CHCHD6: variants seen among roughly 807,000 people sequenced by gnomAD.
CHCHD6 encodes the protein coiled-coil-helix-coiled-coil-helix domain containing 6, also known as MICOS complex subunit MIC25.
Under a neutral mutation model 32.3 loss-of-function variants are expected in CHCHD6, and 28 were observed. The ratio of observed to expected loss-of-function variants is 0.87; its 90% CI spans 0.64 to 1.19. The LOEUF (loss-of-function observed/expected upper bound fraction) is 1.19. Among genes scored for constraint, CHCHD6 ranks in the 50% most tolerant of loss-of-function variants. The pLI is 0.00. For missense variants in CHCHD6, 333 were observed against 307.0 expected (o/e 1.08, Z -0.63); for synonymous variants, 122 against 117.5 (o/e 1.04, Z -0.25).
chr3:126,949,509 C>T (rs1576641268), intron 6 of CHCHD6: 1 of 189,044 alleles, frequency 5.3e-6, no homozygotes. Context: ...AAGGCTGCTG[C>T]GTGGACTGCC....
At chr3:126,908,611 C>G (rs1307576098) in intron 5 of CHCHD6, among the ~76,000 whole-genome samples, 2 of 152,222 alleles carry the variant, frequency 1.3e-5, no homozygotes, top group Non-Finnish European at 2.9e-5. Flanking sequence ...GTGAACAAAA[C>G]AAGCTAAAGT....
chr3:126,885,084 C>T (rs1190727952), intron 5 of CHCHD6, among the ~76,000 whole-genome samples: 2 of 152,132 alleles, frequency 1.3e-5, no homozygotes, highest in Non-Finnish European at 1.5e-5. Flanking sequence ...GTGTAGAAAG[C>T]CAGTTCTGAG....
chr3:126,749,200 G>T (rs542917135), intron 4 of CHCHD6, among the ~76,000 whole-genome samples: 1 of 152,158 alleles, frequency 6.6e-6, no homozygotes, highest in Non-Finnish European at 1.5e-5. Flanking sequence ...TTGAGAAGCA[G>T]CAGGGAGCAT....
Position 126,775,477 on chromosome 3 carries a change from G to C in CHCHD6, c.411+42255G>C, listed in dbSNP as rs150737390. Among the ~76,000 whole-genome samples the C allele has an allele frequency of 3.3e-5, 5 of 152,310 alleles. No homozygotes were observed. In the East Asian group the frequency reaches 9.6e-4, roughly 29 times the overall value. On this transcript the variant is annotated intron_variant, in intron 4 of 7. Transcript: ENST00000290913. ...GCTGTATCAGTTAAGGCCCAGCCAG[G>C]AGAAACTACAGCAATTATTGGAGCA...
intron 4 of CHCHD6, among the ~76,000 whole-genome samples, chr3:126,836,453 G>A (rs1027290414): frequency 3.8e-4 from 58 of 152,228 alleles, no homozygotes; most frequent in Admixed American, 1.8e-3. Context: ...TCTCTGGACC[G>A]CCACTCTGTT....
intron 4 of CHCHD6, among the ~76,000 whole-genome samples, chr3:126,748,543 C>T (rs757416859): frequency 8.8e-5 from 13 of 148,462 alleles, no homozygotes; most frequent in Non-Finnish European, 1.5e-4. Context: ...GGCGGTGAGC[C>T]GAGATTGTGC....
chr3:126,761,607 A>G (rs1427212349), intron 4 of CHCHD6, among the ~76,000 whole-genome samples: 1 of 151,930 alleles, frequency 6.6e-6, no homozygotes, highest in African/African-American at 2.4e-5. Flanking sequence ...TTTATTTTTT[A>G]ATAGGGACAG....
At chr3:126,812,608 TTTTAGTAGAGGTGGGG>T (rs1195293341) in intron 4 of CHCHD6, among the ~76,000 whole-genome samples, 2 of 151,794 alleles carry the variant, frequency 1.3e-5, no homozygotes, top group Non-Finnish European at 2.9e-5. Flanking sequence ...TTTTTTGTAT[TTTTAGTAGAGGTGGGG>T]TTTTGCCACA....
intron 5 of CHCHD6, among the ~76,000 whole-genome samples, chr3:126,860,055 C>T (rs141026182): frequency 1.2e-4 from 19 of 152,122 alleles, no homozygotes; most frequent in Non-Finnish European, 2.4e-4. Context: ...ACCTGCCTGC[C>T]GGTCACTCCA....
At chr3:126,901,289 G>A (rs1374920359) in intron 5 of CHCHD6, among the ~76,000 whole-genome samples, 3 of 152,318 alleles carry the variant, frequency 2.0e-5, no homozygotes, top group South Asian at 2.1e-4. Context: ...TAGTTTTGCC[G>A]TCCTCTGACG....
chr3:126,957,100 C>CA (rs2078796596), intron 6 of CHCHD6: 3 of 423,656 alleles, frequency 7.1e-6, no homozygotes, highest in African/African-American at 6.0e-5. Flanking sequence ...GGGGGCCCTC[C>CA]AGTGGGGCTT....
intron 4 of CHCHD6, among the ~76,000 whole-genome samples, chr3:126,841,975 G>A (rs943665895): frequency 2.6e-5 from 4 of 152,134 alleles, no homozygotes; most frequent in East Asian, 1.9e-4. Context: ...TAGTCCAGGC[G>A]TAATGGCTCA....
intron 5 of CHCHD6, among the ~76,000 whole-genome samples, chr3:126,862,387 T>C (rs1293779873): frequency 1.4e-4 from 16 of 111,048 alleles, no homozygotes; most frequent in South Asian, 3.6e-4. Flanking sequence ...CACCACCTCC[T>C]CCTCCTCTAC....
chr3:126,947,885 G>T (rs1264449820), intron 6 of CHCHD6, among the ~76,000 whole-genome samples: 1 of 152,178 alleles, frequency 6.6e-6, no homozygotes, highest in Non-Finnish European at 1.5e-5. Flanking sequence ...CCATTATGTG[G>T]GTTAAGGTGA....
chr3:126,770,656 T>G (rs1412028465), intron 4 of CHCHD6, among the ~76,000 whole-genome samples: 1 of 152,222 alleles, frequency 6.6e-6, no homozygotes, highest in Non-Finnish European at 1.5e-5. Context: ...TGAACCAACC[T>G]TGCATCCCAG....
At chr3:126,763,732 A>G (rs889206373) in intron 4 of CHCHD6, among the ~76,000 whole-genome samples, 3 of 152,184 alleles carry the variant, frequency 2.0e-5, no homozygotes, top group African/African-American at 7.2e-5. Context: ...AATCCAGTGG[A>G]ATTGATATCA....
In CHCHD6 at chr3:126,783,524, A is replaced by T. The variant is rs551740818; in HGVS notation, c.411+50302A>T. Among the ~76,000 whole-genome samples the T allele has an allele frequency of 3.9e-5, 6 of 152,364 alleles. No individual in the cohort carries two copies. In the East Asian group the frequency reaches 9.6e-4, roughly 24 times the overall value. On this transcript the variant is annotated intron_variant, in intron 4 of 7. Coordinates refer to ENST00000290913, the MANE Select transcript of CHCHD6 (RefSeq NM_032343.3). The stretch of plus-strand genomic sequence containing the variant: ...GTTAAGTTGTCTCTGTTTGCAAATG[A>T]AGTGGTCTTATATATAGAAGTTCCT...
At chr3:126,732,761 C>T (rs1374964557) in intron 3 of CHCHD6, among the ~76,000 whole-genome samples, 2 of 152,184 alleles carry the variant, frequency 1.3e-5, no homozygotes, top group Non-Finnish European at 2.9e-5. Flanking sequence ...GGAGGCAATC[C>T]GTGGATTGAG....
intron 5 of CHCHD6, among the ~76,000 whole-genome samples, chr3:126,871,687 T>C (rs1354235560): frequency 7.5e-6 from 1 of 133,254 alleles, no homozygotes; most frequent in Non-Finnish European, 1.6e-5. Flanking sequence ...TTTTTTTGAG[T>C]CGGCGTCTCA....
Sources: gnomAD v4.1 joint callset for allele counts (sites outside exome capture counted in the v4.1 genomes callset) on GRCh38, gnomAD v4.1.1 for gene constraint, MANE v1.5 for transcripts, NCBI Gene and HGNC (gene_info 2026-07-23, HGNC 2026-07-21) for gene names.